NPL: variants seen among roughly 807,000 people sequenced by gnomAD.
The protein encoded by NPL is N-acetylneuraminate pyruvate lyase, also known as N-acetylneuraminate lyase.
NPL carries 32 observed loss-of-function variants against 41.1 expected under a neutral mutation model. The ratio of observed to expected loss-of-function variants is 0.78; its 90% CI spans 0.59 to 1.05. The LOEUF (loss-of-function observed/expected upper bound fraction) is 1.05, where lower values mean the gene tolerates loss of function less well. Among genes scored for constraint, NPL ranks in the 50% least tolerant of loss-of-function variants. The pLI is 0.00. For synonymous variants in NPL, 128 were observed against 134.9 expected (o/e 0.95, Z 0.35); for missense variants, 321 against 378.4 (o/e 0.85, Z 1.26).
At position 182,808,615 on chromosome 1, in the gene NPL, T is replaced by C. The variant is rs141835413; in HGVS notation, c.230+2383T>C. Among the ~76,000 whole-genome samples, 71 of 152,202 alleles carry C rather than the reference T, an allele frequency of 4.7e-4. 1 individual carries two copies. The East Asian group carries it at 6.8e-3, about 15-fold the overall frequency. On this transcript the variant is annotated intron_variant, in intron 5 of 12. Transcript: ENST00000367553. Reference sequence around the variant, plus strand: ...AAAAATGTTGAGCGTGTTTCTGTGCTGAAAGGACACTGCCATGGAAGAAGA... The same window carrying C: ...AAAAATGTTGAGCGTGTTTCTGTGCCGAAAGGACACTGCCATGGAAGAAGA...
intron 8 of NPL, among the ~76,000 whole-genome samples, chr1:182,817,861 C>T (rs894153586): frequency 6.6e-6 from 1 of 152,198 alleles, no homozygotes; most frequent in African/African-American, 2.4e-5. Flanking sequence ...TTCACGTATT[C>T]AGCAACCCAG....
rs1666920302 is a variant in NPL at position 182,803,689 on chromosome 1, G to A, written c.69-9G>A. Reference sequence around the variant, plus strand: ...ACTAAATATGCCTTTTTTTCCACATGTCTTCTAGAGAAATCAACTTTTCAG... The same window carrying A: ...ACTAAATATGCCTTTTTTTCCACATATCTTCTAGAGAAATCAACTTTTCAG... On this transcript the variant is annotated splice_polypyrimidine_tract_variant and intron_variant, in intron 3 of 12. Coordinates refer to ENST00000367553, the MANE Select transcript of NPL (RefSeq NM_030769.3). The A allele has an allele frequency of 6.3e-7, 1 of 1,596,706 alleles. No individual in the cohort carries two copies.
intron 3 of NPL, among the ~76,000 whole-genome samples, chr1:182,800,523 C>T (rs994641490): frequency 6.9e-6 from 1 of 144,956 alleles, no homozygotes; most frequent in African/African-American, 2.5e-5. Context: ...ACCTATGTAA[C>T]AAATGTGGTA....
chr1:182,830,384 A>G lies in NPL; in HGVS notation c.*1476A>G, dbSNP rs1172142006. On this transcript the variant is annotated 3_prime_UTR_variant, in exon 13 of 13. Transcript: ENST00000367553. ...CCAATAAACAAAGAACTATTTTTCT[A>G]TTTTTGCTTTTGTGAAGTCAATGCT... 3.3e-5 allele frequency: 5 copies of G among 152,192 alleles called. No individual in the cohort carries two copies. The highest frequency in any genetic ancestry group is 3.3e-4 in the Admixed American group (5 of 15,280). The allele number at this position is 152,192 out of a possible 1,614,324, so 9.4% of individuals were successfully genotyped here.
chr1:182,825,959 C>T, intron 12 of NPL, 139 bp downstream of exon 12: 1 of 783,900 alleles, frequency 1.3e-6, no homozygotes, highest in Non-Finnish European at 2.3e-6. Flanking sequence ...CTTATTAACC[C>T]TCGGGGCCAA....
intron 4 of NPL, among the ~76,000 whole-genome samples, chr1:182,804,688 T>C (rs1666953333): frequency 6.6e-6 from 1 of 152,206 alleles, no homozygotes; most frequent in African/African-American, 2.4e-5. Context: ...CTGAGAACAC[T>C]ACACCTTGGT....
rs536635074 is a variant in NPL, at chr1:182,829,867, T to G, written c.*959T>G. 28 of 531,046 alleles carry G rather than the reference T, an allele frequency of 5.3e-5. No individual in the cohort carries two copies. The East Asian group carries it at 7.5e-4, about 14-fold the overall frequency. The allele number at this position is 531,046 out of a possible 1,614,324, so 32.9% of individuals were successfully genotyped here. ...TCTCTCCATACCTCCTTTTACTCTTTTCTTTCTGTGTAATGTATCAACAAC... is the reference window on the plus strand; with the variant it reads ...TCTCTCCATACCTCCTTTTACTCTTGTCTTTCTGTGTAATGTATCAACAAC... On this transcript the variant is annotated 3_prime_UTR_variant, in exon 13 of 13. Transcript: ENST00000367553.
At chr1:182,795,633 C>T (rs1488077926) in intron 3 of NPL, 3 of 152,294 alleles carry the variant, frequency 2.0e-5, no homozygotes, top group Admixed American at 2.0e-4. Context: ...AAAATCACGT[C>T]CTTACTAGGT....
At chr1:182,790,613 T>TTTGTTG (rs148847511) in intron 1 of NPL, among the ~76,000 whole-genome samples, 13,849 of 150,406 alleles carry the variant, frequency 0.092, 667 homozygotes, top group Middle Eastern at 0.14. Context: ...GTTAAAGTCT[T>TTTGTTG]TTGTTGTTGT....
rs1667274438 is a variant in NPL at position 182,814,767 on chromosome 1, C to T, written c.289-16C>T. 1.9e-6 allele frequency: 3 copies of T among 1,611,364 alleles called. No individual in the cohort carries two copies. The highest frequency in any genetic ancestry group is 2.5e-6 in the Non-Finnish European group (3 of 1,177,554). The stretch of plus-strand genomic sequence containing the variant: ...AAATCACTTGCTCCAATATGGTCTT[C>T]TTTCTTCCTTTAAAGGCCCAACATG... On this transcript the variant is annotated splice_polypyrimidine_tract_variant and intron_variant, in intron 6 of 12. Transcript: ENST00000367553.
At position 182,829,041 on chromosome 1, in the gene NPL, G is replaced by A. The variant is rs1226386777; in HGVS notation, c.*133G>A. ...ATGAAATCTCACAATAAGCATTGAG[G>A]TACCTTTTGTGAGCCTTAAAAAGTC... On this transcript the variant is annotated 3_prime_UTR_variant, in exon 13 of 13. Transcript: ENST00000367553. 3.9e-5 allele frequency: 60 copies of A among 1,526,518 alleles called. No homozygotes were observed. Among genetic ancestry groups the A allele is most frequent in the Non-Finnish European group, 5.2e-5 (60 of 1,145,344 alleles). 94.6% of individuals were successfully genotyped at this position (1,526,518 alleles called of 1,614,324 possible).
At chr1:182,810,752 T>A (rs968817953) in intron 5 of NPL, among the ~76,000 whole-genome samples, 1 of 152,164 alleles carries the variant, frequency 6.6e-6, no homozygotes, top group Admixed American at 6.6e-5. Context: ...TAACTGCTAA[T>A]ATTTATTAAG....
intron 12 of NPL, chr1:182,826,927 A>C (rs925946421): frequency 6.6e-6 from 1 of 152,242 alleles, no homozygotes. Context: ...GTAAAGTTTA[A>C]TTTATAAATT....
rs1265250095 is a variant in NPL, at chr1:182,803,786, G to A, written c.142+15G>A. On this transcript the variant is annotated intron_variant, in intron 4 of 12. Transcript: ENST00000367553. ...GAACATTTTTGGTAAGTCAACTCTG[G>A]GGATGTCGCTGCATGTCTCCAGCTC... 2 of 1,570,504 alleles carry A rather than the reference G, an allele frequency of 1.3e-6. No homozygotes were observed. The highest frequency in any genetic ancestry group is 8.8e-7 in the Non-Finnish European group (1 of 1,140,294).
intron 3 of NPL, 53 bp downstream of exon 3, chr1:182,794,492 A>G: frequency 6.4e-7 from 1 of 1,558,424 alleles, no homozygotes. Flanking sequence ...ACCAAAAAGG[A>G]GAGAAGTTCT....
In NPL at chr1:182,793,463, G is replaced by A. The variant is rs186008966; in HGVS notation, c.-16-893G>A. Reference sequence around the variant, plus strand: ...CATCCAGTCACAGTCTGAACACCTCGTTCAGTCACCCACATATTCTTCGCT... The same window carrying A: ...CATCCAGTCACAGTCTGAACACCTCATTCAGTCACCCACATATTCTTCGCT... On this transcript the variant is annotated intron_variant, in intron 2 of 12. Transcript: ENST00000367553. Among the ~76,000 whole-genome samples, 375 of 152,274 alleles carry A rather than the reference G, an allele frequency of 2.5e-3. 1 individual carries two copies. Among genetic ancestry groups the A allele is most frequent in the Admixed American group, 6.5e-3 (100 of 15,296 alleles).
At position 182,829,199 on chromosome 1, in the gene NPL, A is replaced by T; in HGVS notation, c.*291A>T. The stretch of plus-strand genomic sequence containing the variant: ...AGGAAAATTGTAATTGATTAATTCC[A>T]TCTGTCTTTAGGAGCTCTCATTATC... On this transcript the variant is annotated 3_prime_UTR_variant, in exon 13 of 13. Transcript: ENST00000367553. 7.8e-7 allele frequency: 1 copy of T among 1,275,624 alleles called. No individual in the cohort carries two copies. Among genetic ancestry groups the T allele is most frequent in the Admixed American group, 3.8e-5 (1 of 26,292 alleles). 79.0% of individuals were successfully genotyped at this position (1,275,624 alleles called of 1,614,324 possible).
chr1:182,796,761 GC>G (rs1666680415), intron 3 of NPL, among the ~76,000 whole-genome samples: 1 of 152,154 alleles, frequency 6.6e-6, no homozygotes, highest in African/African-American at 2.4e-5. Flanking sequence ...TCTCGGCCGG[GC>G]ACGGTGGCTC....
intron 3 of NPL, among the ~76,000 whole-genome samples, chr1:182,797,034 CA>C (rs59582125): frequency 0.18 from 17,098 of 95,918 alleles, 1,208 homozygotes; most frequent in African/African-American, 0.28. Flanking sequence ...GAATATGTCT[CA>C]AAAAAAAAAA....
Sources: gnomAD v4.1 joint callset for allele counts (sites outside exome capture counted in the v4.1 genomes callset) on GRCh38, gnomAD v4.1.1 for gene constraint, MANE v1.5 for transcripts, NCBI Gene and HGNC (gene_info 2026-07-23, HGNC 2026-07-21) for gene names.